DTNA: variants seen among roughly 807,000 people sequenced by gnomAD.
DTNA encodes the protein dystrophin-related protein 3.
In DTNA, 43 loss-of-function variants were observed where a neutral mutation model predicts 100.7. That is an observed-to-expected ratio of 0.43 (90% CI 0.33 to 0.55). DTNA has a LOEUF of 0.55. Among genes scored for constraint, DTNA ranks in the 20% least tolerant of loss-of-function variants. The pLI is 0.04. For missense variants in DTNA, 798 were observed against 953.9 expected, an observed-to-expected ratio of 0.84 and a Z score of 2.15; for synonymous variants, 349 against 347.9, an observed-to-expected ratio of 1.00 and a Z score of -0.04.
intron 13 of DTNA, among the ~76,000 whole-genome samples, chr18:34,839,038 A>G (rs553430989): frequency 6.6e-6 from 1 of 152,184 alleles, no homozygotes; most frequent in Non-Finnish European, 1.5e-5. Context: ...ATCCTTGTTT[A>G]TATATTAGCT....
At chr18:34,581,280 C>CAA (rs1491342912) in intron 1 of DTNA, among the ~76,000 whole-genome samples, 183 of 96,466 alleles carry the variant, frequency 1.9e-3, no homozygotes, top group Middle Eastern at 5.5e-3. Flanking sequence ...AACAAAAAAA[C>CAA]AAAACAAAAA....
chr18:34,884,766 A>G lies in DTNA; in HGVS notation c.*21A>G, dbSNP rs1305115605. 6.2e-7 allele frequency: 1 copy of G among 1,613,542 alleles called. No individual in the cohort carries two copies. Among genetic ancestry groups the G allele is most frequent in the Non-Finnish European group, 8.5e-7 (1 of 1,179,818 alleles). ...GTTGAATGCAATATCCTTTTATCAC[A>G]CTCCTCTCAAGTAAGTACCATCTTA... is the stretch of plus-strand genomic sequence containing the variant. On this transcript the variant is annotated 3_prime_UTR_variant, in exon 22 of 23. Transcript: ENST00000444659.
intron 1 of DTNA, among the ~76,000 whole-genome samples, chr18:34,629,070 C>T (rs2057728020): frequency 6.6e-6 from 1 of 151,952 alleles, no homozygotes; most frequent in African/African-American, 2.4e-5. Flanking sequence ...TATGAAATGG[C>T]ATATCATATA....
chr18:34,754,496 G>A (rs1405260702), intron 1 of DTNA, among the ~76,000 whole-genome samples: 1 of 152,098 alleles, frequency 6.6e-6, no homozygotes, highest in Non-Finnish European at 1.5e-5. Context: ...GGACAGCGTG[G>A]TCCTGGCTTG....
At chr18:34,758,847 A>G (rs2092954025) in intron 2 of DTNA, among the ~76,000 whole-genome samples, 1 of 152,198 alleles carries the variant, frequency 6.6e-6, no homozygotes, top group Admixed American at 6.5e-5. Flanking sequence ...TAGAAAAGGT[A>G]AAGAACAGAG....
intron 1 of DTNA, among the ~76,000 whole-genome samples, chr18:34,714,196 C>T (rs917252293): frequency 3.3e-5 from 5 of 151,724 alleles, no homozygotes; most frequent in Non-Finnish European, 7.4e-5. Context: ...TCTAAAACAC[C>T]AAAAGCAATG....
intron 1 of DTNA, among the ~76,000 whole-genome samples, chr18:34,531,522 T>C (rs563443661): frequency 3.3e-5 from 5 of 152,158 alleles, no homozygotes; most frequent in Non-Finnish European, 7.4e-5. Flanking sequence ...CATTATCCAG[T>C]TTATAACTTT....
intron 1 of DTNA, among the ~76,000 whole-genome samples, chr18:34,701,418 C>T (rs1403977964): frequency 6.6e-6 from 1 of 152,136 alleles, no homozygotes; most frequent in Non-Finnish European, 1.5e-5. Context: ...TCCATAGAAG[C>T]ACGCTCACAT....
At chr18:34,504,676 A>G (rs948193390) in intron 1 of DTNA, among the ~76,000 whole-genome samples, 2 of 152,096 alleles carry the variant, frequency 1.3e-5, no homozygotes, top group African/African-American at 2.4e-5. Context: ...TTTGGACTCT[A>G]TGTATTCTGA....
chr18:34,608,467 C>T (rs2053569133), intron 1 of DTNA, among the ~76,000 whole-genome samples: 1 of 151,552 alleles, frequency 6.6e-6, no homozygotes, highest in Admixed American at 6.6e-5. Flanking sequence ...TGTCTTTCTA[C>T]TCAAATATTC....
At chr18:34,514,311 G>T (rs954275499) in intron 1 of DTNA, among the ~76,000 whole-genome samples, 1 of 152,044 alleles carries the variant, frequency 6.6e-6, no homozygotes, top group Non-Finnish European at 1.5e-5. Context: ...TTGTTGGGGG[G>T]AGTGAAAACA....
chr18:34,829,582 G>C, intron 11 of DTNA, 93 bp downstream of exon 11: 2 of 1,290,836 alleles, frequency 1.5e-6, no homozygotes, highest in Non-Finnish European at 2.1e-6. Context: ...TCCTCTCATA[G>C]TACGTCTTAT....
At chr18:34,718,209 C>T (rs1258930515) in intron 1 of DTNA, among the ~76,000 whole-genome samples, 7 of 152,064 alleles carry the variant, frequency 4.6e-5, no homozygotes, top group Non-Finnish European at 1.5e-5. Context: ...TGGAAGTAGG[C>T]GCAACTACAT....
chr18:34,844,795 A>G (rs1313185868), intron 13 of DTNA, among the ~76,000 whole-genome samples: 1 of 152,198 alleles, frequency 6.6e-6, no homozygotes, highest in Non-Finnish European at 1.5e-5. Context: ...AATCAAAAGA[A>G]TGTGAACAAA....
chr18:34,668,388 G>T (rs1390321323), intron 1 of DTNA, among the ~76,000 whole-genome samples: 1 of 151,932 alleles, frequency 6.6e-6, no homozygotes, highest in Non-Finnish European at 1.5e-5. Flanking sequence ...TCCTGGATTC[G>T]TTGATTTTTT....
rs200306991 is a variant in DTNA, at chr18:34,812,063, C to T, written c.553C>T (p.Pro185Ser). The change falls in exon 6 of 23, where the codon CCT becomes TCT. Residue 185 changes from proline to serine, a missense_variant. This residue lies in a region of DTNA where 81 missense variants were observed against 153.5 expected (regional missense o/e 0.53). Transcript: ENST00000444659. ...LKLPTAVFEGPSFGYTEQSAR... is the reference protein window; with the variant it reads ...LKLPTAVFEGSSFGYTEQSAR... Reference sequence around the variant, plus strand: ...ACTACCCACGGCAGTTTTTGAAGGTCCTTCATTTGGTTACACAGAACAGTC... The same window carrying T: ...ACTACCCACGGCAGTTTTTGAAGGTTCTTCATTTGGTTACACAGAACAGTC... 6.2e-7 allele frequency: 1 copy of T among 1,614,036 alleles called. No homozygotes were observed. The highest frequency in any genetic ancestry group is 8.5e-7 in the Non-Finnish European group (1 of 1,179,968).
rs111319152 is a variant in DTNA, at chr18:34,888,683, G to T, written c.*949G>T. The T allele has an allele frequency of 1.1e-5, 11 of 985,834 alleles. No individual in the cohort carries two copies. In the African/African-American group the frequency reaches 1.2e-4, roughly 11 times the overall value. 61.1% of individuals were successfully genotyped at this position (985,834 alleles called of 1,614,324 possible). Reference sequence around the variant, plus strand: ...TGTTTATAAACCACAGGTGCCATAAGATCCCCAAACGGACTAAAGTTATCT... The same window carrying T: ...TGTTTATAAACCACAGGTGCCATAATATCCCCAAACGGACTAAAGTTATCT... On this transcript the variant is annotated 3_prime_UTR_variant, in exon 23 of 23. Coordinates refer to ENST00000444659, the MANE Select transcript of DTNA (RefSeq NM_001386795.1).
chr18:34,705,349 A>G (rs972516374), upstream of DTNA, among the ~76,000 whole-genome samples: 1 of 152,200 alleles, frequency 6.6e-6, no homozygotes, highest in Non-Finnish European at 1.5e-5. Flanking sequence ...CCTCAAAGTA[A>G]CTACCATTCC....
chr18:34,821,084 A>G (rs775438911), intron 9 of DTNA, 169 bp downstream of exon 9: 1 of 941,794 alleles, frequency 1.1e-6, no homozygotes, highest in South Asian at 1.4e-5. Flanking sequence ...GTTGAGGTGT[A>G]CAGTACTTCC....
Sources: allele counts gnomAD v4.1 joint callset (sites outside exome capture counted in the v4.1 genomes callset), GRCh38; gene constraint gnomAD v4.1.1; regional missense constraint gnomAD v4.1.1; transcripts MANE v1.5; gene names NCBI Gene and HGNC (gene_info 2026-07-23, HGNC 2026-07-21).